NRG3: variants seen among roughly 807,000 people sequenced by gnomAD.
The protein encoded by NRG3 is pro-neuregulin-3, membrane-bound isoform.
A neutral mutation model predicts 66.9 loss-of-function variants in NRG3; 31 were observed. The ratio of observed to expected loss-of-function variants is 0.46; its 90% CI spans 0.35 to 0.63. The LOEUF (loss-of-function observed/expected upper bound fraction) is 0.63, where lower values mean the gene tolerates loss of function less well. Ranked by LOEUF, NRG3 falls within the 20% of genes least tolerant of loss-of-function variation. NRG3 has a pLI of 0.00. For missense variants in NRG3, 910 were observed against 878.9 expected (o/e 1.04, Z -0.45); for synonymous variants, 393 against 359.4 (o/e 1.09, Z -1.06).
chr10:82,398,710 C>T lies in NRG3; in HGVS notation c.953+39842C>T, dbSNP rs371048372. Reference sequence around the variant, plus strand: ...TTCCAAAAGGCCCAAGAAATGTGCACATTTATAGCAAAGCAAGGGTGAGTG... The same window carrying T: ...TTCCAAAAGGCCCAAGAAATGTGCATATTTATAGCAAAGCAAGGGTGAGTG... On this transcript the variant is annotated intron_variant, in intron 2 of 8. Coordinates refer to ENST00000372141, the MANE Select transcript of NRG3 (RefSeq NM_001010848.4). Among the ~76,000 whole-genome samples the T allele has an allele frequency of 2.8e-3, 420 of 152,092 alleles. 2 individuals carry two copies. The highest frequency in any genetic ancestry group is 0.015 in the South Asian group (72 of 4,816).
chr10:82,209,988 T>G (rs1270527273), intron 1 of NRG3, among the ~76,000 whole-genome samples: 1 of 152,124 alleles, frequency 6.6e-6, no homozygotes, highest in East Asian at 1.9e-4. Flanking sequence ...ACATAATCCT[T>G]TCAATTAAAA....
chr10:82,126,660 G>A (rs909879126), intron 1 of NRG3, among the ~76,000 whole-genome samples: 1 of 152,058 alleles, frequency 6.6e-6, no homozygotes, highest in Non-Finnish European at 1.5e-5. Flanking sequence ...CTTTGAACTG[G>A]CATTTTAACC....
intron 2 of NRG3, among the ~76,000 whole-genome samples, chr10:82,696,489 T>A (rs1049172282): frequency 2.0e-5 from 3 of 151,942 alleles, no homozygotes; most frequent in African/African-American, 7.3e-5. Flanking sequence ...GGAAAGATGG[T>A]TAAGGGAAAA....
At position 82,342,942 on chromosome 10, in the gene NRG3, G is replaced by A. The variant is rs372324093; in HGVS notation, c.824-15797G>A. On this transcript the variant is annotated intron_variant, in intron 1 of 8. Coordinates refer to ENST00000372141, the MANE Select transcript of NRG3 (RefSeq NM_001010848.4). ...TTAATTTCATCTTGAGTTAATTTTTGTATATGGTAAGAGATATGGGTATGG... is the reference window on the plus strand; with the variant it reads ...TTAATTTCATCTTGAGTTAATTTTTATATATGGTAAGAGATATGGGTATGG... Among the ~76,000 whole-genome samples the A allele has an allele frequency of 1.5e-3, 233 of 152,072 alleles. 5 individuals carry two copies. In the South Asian group the frequency reaches 0.044, roughly 28 times the overall value.
intron 1 of NRG3, among the ~76,000 whole-genome samples, chr10:81,961,541 C>T (rs1446974039): frequency 6.6e-6 from 1 of 152,112 alleles, no homozygotes; most frequent in Non-Finnish European, 1.5e-5. Flanking sequence ...TCTCAATTTC[C>T]TTTATTTTTG....
chr10:82,879,500 T>C (rs190127902), intron 4 of NRG3, among the ~76,000 whole-genome samples: 1,742 of 134,958 alleles, frequency 0.013, 22 homozygotes, highest in Non-Finnish European at 0.017. Context: ...TGAGACGGAG[T>C]CTCCCTCTGT....
At chr10:82,935,171 A>G (rs1211653375) in intron 4 of NRG3, among the ~76,000 whole-genome samples, 1 of 152,238 alleles carries the variant, frequency 6.6e-6, no homozygotes, top group African/African-American at 2.4e-5. Flanking sequence ...GGTAAGGTTT[A>G]TCAACAAGAT....
At chr10:82,513,099 T>C (rs912805238) in intron 2 of NRG3, among the ~76,000 whole-genome samples, 6 of 152,156 alleles carry the variant, frequency 3.9e-5, no homozygotes, top group African/African-American at 1.4e-4. Context: ...ATCCTGATGC[T>C]CTCCCTCCTC....
intron 3 of NRG3, among the ~76,000 whole-genome samples, chr10:82,744,103 G>C (rs1483209706): frequency 2.0e-5 from 3 of 152,124 alleles, no homozygotes; most frequent in Non-Finnish European, 4.4e-5. Flanking sequence ...AGAGCAGGCT[G>C]TCTTGCAAGC....
chr10:82,548,773 A>C (rs2044109533), intron 2 of NRG3, among the ~76,000 whole-genome samples: 1 of 152,128 alleles, frequency 6.6e-6, no homozygotes, highest in Non-Finnish European at 1.5e-5. Context: ...TAATTAATTA[A>C]TTAAAACAAA....
At chr10:82,129,280 T>A (rs1226666026) in intron 1 of NRG3, among the ~76,000 whole-genome samples, 1 of 152,120 alleles carries the variant, frequency 6.6e-6, no homozygotes, top group East Asian at 1.9e-4. Context: ...AATACTACAT[T>A]GTCAGAGGGC....
intron 1 of NRG3, among the ~76,000 whole-genome samples, chr10:82,080,302 G>C (rs2065316978): frequency 6.6e-6 from 1 of 152,162 alleles, no homozygotes; most frequent in South Asian, 2.1e-4. Flanking sequence ...ACAACCCTGG[G>C]TTCTTGGTGC....
At chr10:82,718,522 C>T (rs1350489543) in intron 2 of NRG3, among the ~76,000 whole-genome samples, 1 of 152,130 alleles carries the variant, frequency 6.6e-6, no homozygotes, top group Non-Finnish European at 1.5e-5. Context: ...ACAATGAAAA[C>T]TCATGGTCAA....
chr10:82,195,546 T>G (rs948620406), intron 1 of NRG3, among the ~76,000 whole-genome samples: 1 of 152,148 alleles, frequency 6.6e-6, no homozygotes, highest in Non-Finnish European at 1.5e-5. Context: ...AACAGTCTTA[T>G]GCTATGCTAT....
intron 1 of NRG3, among the ~76,000 whole-genome samples, chr10:82,343,968 T>C (rs1167724838): frequency 6.6e-6 from 1 of 152,138 alleles, no homozygotes; most frequent in South Asian, 2.1e-4. Context: ...ATCACATCCA[T>C]ACATACTTTC....
At chr10:82,057,146 G>T (rs1315836561) in intron 1 of NRG3, among the ~76,000 whole-genome samples, 1 of 151,830 alleles carries the variant, frequency 6.6e-6, no homozygotes, top group Admixed American at 6.6e-5. Context: ...CCCCTTATAT[G>T]TGTACTTCAT....
At chr10:82,914,192 T>C (rs187271695) in intron 4 of NRG3, among the ~76,000 whole-genome samples, 1 of 152,296 alleles carries the variant, frequency 6.6e-6, no homozygotes, top group East Asian at 1.9e-4. Flanking sequence ...CCATCTGTTA[T>C]TGCATGTTGT....
chr10:82,041,433 T>A (rs1165139993), intron 1 of NRG3, among the ~76,000 whole-genome samples: 2 of 152,148 alleles, frequency 1.3e-5, no homozygotes, highest in East Asian at 3.9e-4. Flanking sequence ...CTGGGGCAAA[T>A]GGCTTTCTGT....
intron 2 of NRG3, among the ~76,000 whole-genome samples, chr10:82,394,882 T>TCTGTG (rs1160196564): frequency 1.3e-5 from 2 of 152,156 alleles, no homozygotes; most frequent in Non-Finnish European, 2.9e-5. Context: ...CTTGAACTCT[T>TCTGTG]CTGTGCTGCT....
Sources: allele counts gnomAD v4.1 joint callset (sites outside exome capture counted in the v4.1 genomes callset), GRCh38; gene constraint gnomAD v4.1.1; transcripts MANE v1.5; gene names NCBI Gene and HGNC (gene_info 2026-07-23, HGNC 2026-07-21).